UNC13B: variants seen among roughly 807,000 people sequenced by gnomAD.
UNC13B encodes the protein protein unc-13 homolog B.
A neutral mutation model predicts 211.0 loss-of-function variants in UNC13B; 144 were observed. That is an observed-to-expected ratio of 0.68 (90% CI 0.60 to 0.78). The LOEUF is 0.78. Among genes scored for constraint, UNC13B ranks in the 30% least tolerant of loss-of-function variants. UNC13B has a pLI of 0.00. For synonymous variants in UNC13B, 709 were observed against 725.8 expected (o/e 0.98, Z 0.37); for missense variants, 1,777 against 2,002.0 (o/e 0.89, Z 2.14).
chr9:35,259,547 T>G (rs995043611), intron 7 of UNC13B, among the ~76,000 whole-genome samples: 2 of 152,206 alleles, frequency 1.3e-5, no homozygotes, highest in South Asian at 4.1e-4. Context: ...TCTTTGCATT[T>G]GGCTCAACAC....
chr9:35,382,426 C>T lies in UNC13B; in HGVS notation c.10725C>T (p.Ala3575=). The part of the protein sequence containing the change: ...GVPAVMSTLL[A]NINAYYAHTT... ...CAGCAGTGATGAGCACCTTACTGGC[C>T]AACATCAACGCCTACTATGCCCACA... Residue 3575 remains alanine (A), a synonymous_variant, in exon 21 of 40, where the codon GCC becomes GCT. Coordinates refer to ENST00000635942, the MANE Select transcript of UNC13B (RefSeq NM_001371189.2). The T allele has an allele frequency of 1.2e-6, 2 of 1,614,082 alleles. No homozygotes were observed. The highest frequency in any genetic ancestry group is 1.7e-6 in the Non-Finnish European group (2 of 1,180,044).
intron 1 of UNC13B, among the ~76,000 whole-genome samples, chr9:35,200,045 A>G (rs1823188819): frequency 6.6e-6 from 1 of 152,220 alleles, no homozygotes; most frequent in Non-Finnish European, 1.5e-5. Flanking sequence ...ATCCAGTTTC[A>G]GCTTTCTACA....
chr9:35,398,530 C>T, intron 31 of UNC13B, 24 bp from the exon 32 acceptor site: 1 of 1,611,610 alleles, frequency 6.2e-7, no homozygotes, highest in Non-Finnish European at 8.5e-7. Flanking sequence ...GCAGCCTAGC[C>T]AGGCTTACCT....
intron 12 of UNC13B, among the ~76,000 whole-genome samples, chr9:35,368,421 G>A (rs773813042): frequency 1.3e-5 from 2 of 152,148 alleles, no homozygotes; most frequent in Admixed American, 6.5e-5. Flanking sequence ...AGTATTCTGC[G>A]GTGTATATGT....
chr9:35,299,124 C>T (rs1368354215), intron 8 of UNC13B, among the ~76,000 whole-genome samples: 4 of 151,954 alleles, frequency 2.6e-5, no homozygotes, highest in South Asian at 2.1e-4. Flanking sequence ...CCCAGCTACT[C>T]GGGAGGCTGA....
At chr9:35,385,034 A>G in intron 22 of UNC13B, 1 of 985,432 alleles carries the variant, frequency 1.0e-6, no homozygotes. Flanking sequence ...AATAATGGAC[A>G]GCTGACTGTA....
intron 3 of UNC13B, among the ~76,000 whole-genome samples, chr9:35,233,950 T>C (rs1253157730): frequency 6.6e-6 from 1 of 152,134 alleles, no homozygotes; most frequent in Non-Finnish European, 1.5e-5. Flanking sequence ...TATATACTCA[T>C]TGTTTGGGCC....
At chr9:35,268,416 G>A (rs546899589) in intron 7 of UNC13B, among the ~76,000 whole-genome samples, 7 of 152,226 alleles carry the variant, frequency 4.6e-5, no homozygotes, top group South Asian at 4.1e-4. Context: ...TCAAGAGATC[G>A]AGACCATCCT....
At chr9:35,381,461 AC>A in intron 19 of UNC13B, 94 bp from the exon 20 acceptor site, 2 of 1,414,978 alleles carry the variant, frequency 1.4e-6, no homozygotes, top group Non-Finnish European at 1.9e-6. Flanking sequence ...TTTCTGTGGG[AC>A]CTTGTGCACA....
chr9:35,187,357 C>T (rs2381222), intron 1 of UNC13B, among the ~76,000 whole-genome samples: 125,066 of 152,166 alleles, frequency 0.82, 51,641 homozygotes, highest in East Asian at 0.98. Context: ...CCATTCCTTT[C>T]TGTTTCTTCC....
chr9:35,403,608 C>G lies in UNC13B; in HGVS notation c.12737+9C>G. ...AATGAGACATTCCACTTGTAAGTTACGGGGGGGACATACAGGACTCTGGGA... is the reference window on the plus strand; with the variant it reads ...AATGAGACATTCCACTTGTAAGTTAGGGGGGGGACATACAGGACTCTGGGA... On this transcript the variant is annotated intron_variant, in intron 39 of 39. Coordinates refer to ENST00000635942, the MANE Select transcript of UNC13B (RefSeq NM_001371189.2). The G allele has an allele frequency of 7.7e-7, 1 of 1,292,232 alleles. No homozygotes were observed. 80.0% of individuals were successfully genotyped at this position (1,292,232 alleles called of 1,614,324 possible). A position where few individuals can be genotyped will look rare whatever the true frequency, so the allele number is the denominator to read the frequency against.
intron 1 of UNC13B, among the ~76,000 whole-genome samples, chr9:35,217,355 C>T (rs531153123): frequency 5.3e-5 from 8 of 151,564 alleles, no homozygotes; most frequent in South Asian, 2.1e-4. Context: ...AGGAACAATA[C>T]AAGGATGCCT....
At position 35,217,809 on chromosome 9, in the gene UNC13B, TGAG is replaced by T. The variant is rs1824341750; in HGVS notation, c.23-10201_23-10199del. On this transcript the variant is annotated intron_variant, in intron 1 of 39. Transcript: ENST00000635942. ...CTATAATCCCAGCACTTTCAGAGGC[TGAG>T]GAGGGAGGACCACTTGAGCTTGAAA... is the stretch of plus-strand genomic sequence containing the variant. 2.0e-5 allele frequency among the ~76,000 whole-genome samples: 3 copies of T among 152,260 alleles called. No homozygotes were observed. The South Asian group carries it at 6.2e-4, about 32-fold the overall frequency.
chr9:35,328,614 TCC>T (rs1219581788), intron 11 of UNC13B, among the ~76,000 whole-genome samples: 2 of 97,178 alleles, frequency 2.1e-5, no homozygotes, highest in South Asian at 4.4e-4. Flanking sequence ...CTTCCTTCCT[TCC>T]TTCCTTCCTT....
In UNC13B at chr9:35,235,176, G is replaced by A. The variant is rs373582261; in HGVS notation, c.153-1293G>A. Among the ~76,000 whole-genome samples, 116 of 152,242 alleles carry A rather than the reference G, an allele frequency of 7.6e-4. 2 individuals are homozygous for A. In the South Asian group the frequency reaches 0.019, roughly 25 times the overall value. On this transcript the variant is annotated intron_variant, in intron 3 of 39. Coordinates refer to ENST00000635942, the MANE Select transcript of UNC13B (RefSeq NM_001371189.2). Reference sequence around the variant, plus strand: ...TACTGCTTTTAAATAGTGCTTATCTGGCTCTTTATGGAATGATTTCTTTTC... The same window carrying A: ...TACTGCTTTTAAATAGTGCTTATCTAGCTCTTTATGGAATGATTTCTTTTC...
chr9:35,273,810 C>T (rs987136354), intron 7 of UNC13B, among the ~76,000 whole-genome samples: 1 of 152,234 alleles, frequency 6.6e-6, no homozygotes, highest in Non-Finnish European at 1.5e-5. Flanking sequence ...GCTGTGTTGG[C>T]CGCCTCTCAA....
intron 1 of UNC13B, among the ~76,000 whole-genome samples, chr9:35,193,657 C>CAA (rs748105027): frequency 9.5e-4 from 53 of 55,690 alleles, no homozygotes; most frequent in Non-Finnish European, 1.3e-3. Flanking sequence ...GACTCCGTCT[C>CAA]AAAAAAAAAA....
chr9:35,258,908 T>C, intron 6 of UNC13B, 85 bp from the exon 7 acceptor site: 1 of 1,397,276 alleles, frequency 7.2e-7, no homozygotes. Context: ...CTAAACCTTT[T>C]TATAGGTAGT....
chr9:35,389,992 G>T lies in UNC13B; in HGVS notation c.11222+19G>T, dbSNP rs754856323. Reference sequence around the variant, plus strand: ...TGAACCAGTGAGTATCACCCTCTTTGGCCCTGTCTGTTGGTGGTTGGTCTG... The same window carrying T: ...TGAACCAGTGAGTATCACCCTCTTTTGCCCTGTCTGTTGGTGGTTGGTCTG... On this transcript the variant is annotated intron_variant, in intron 25 of 39. Coordinates refer to ENST00000635942, the MANE Select transcript of UNC13B (RefSeq NM_001371189.2). The T allele has an allele frequency of 3.1e-6, 5 of 1,612,300 alleles. No homozygotes were observed. The East Asian group carries it at 8.9e-5, about 29-fold the overall frequency.
Sources: gnomAD v4.1 joint callset for allele counts (sites outside exome capture counted in the v4.1 genomes callset) on GRCh38, gnomAD v4.1.1 for gene constraint, MANE v1.5 for transcripts, NCBI Gene and HGNC (gene_info 2026-07-23, HGNC 2026-07-21) for gene names.